ZFAT: variants seen among roughly 807,000 people sequenced by gnomAD.
ZFAT encodes the protein zinc finger protein ZFAT.
ZFAT carries 64 observed loss-of-function variants against 117.7 expected under a neutral mutation model. The observed-to-expected ratio is 0.54, with a 90% CI of 0.44 to 0.67. The LOEUF is 0.67. ZFAT is among the 30% of genes least tolerant of loss of function. The pLI, the probability that ZFAT is intolerant of heterozygous loss-of-function variation, is 0.00. For missense variants in ZFAT, 1,433 were observed against 1,584.5 expected (o/e 0.90, Z 1.62); for synonymous variants, 679 against 615.0 (o/e 1.10, Z -1.54).
At position 134,504,341 on chromosome 8, in the gene ZFAT, G is replaced by A. The variant is rs543349435; in HGVS notation, c.3492+5278C>T. On this transcript the variant is annotated intron_variant, in intron 15 of 15. Transcript: ENST00000377838. Reference sequence around the variant, plus strand: ...AATTAACACAAAACTCAGAAAGACCGAAGATTATCATAAAGGCAAACTGTT... The same window carrying A: ...AATTAACACAAAACTCAGAAAGACCAAAGATTATCATAAAGGCAAACTGTT... 9.2e-5 allele frequency among the ~76,000 whole-genome samples: 14 copies of A among 152,238 alleles called. No homozygotes were observed. The South Asian group carries it at 1.4e-3, about 16-fold the overall frequency.
chr8:134,627,120 A>G (rs2131050162), intron 3 of ZFAT, among the ~76,000 whole-genome samples: 1 of 152,328 alleles, frequency 6.6e-6, no homozygotes, highest in Admixed American at 6.5e-5. Context: ...ATGTCCAGCA[A>G]GAGCAGGGGA....
chr8:134,504,724 T>C (rs926041145), intron 15 of ZFAT, among the ~76,000 whole-genome samples: 1 of 152,184 alleles, frequency 6.6e-6, no homozygotes, highest in Non-Finnish European at 1.5e-5. Flanking sequence ...GGACTCCAAG[T>C]GGGCAGAAGG....
chr8:134,498,078 G>T (rs71512346), intron 15 of ZFAT, among the ~76,000 whole-genome samples: 3,913 of 15,370 alleles, frequency 0.25, 697 homozygotes, highest in East Asian at 0.48. Context: ...CCTGATTTGG[G>T]AGGGTTGTGG....
At chr8:134,636,118 G>C (rs1274580623) in intron 3 of ZFAT, among the ~76,000 whole-genome samples, 1 of 152,224 alleles carries the variant, frequency 6.6e-6, no homozygotes, top group Admixed American at 6.5e-5. Flanking sequence ...AATATTAGTT[G>C]ATGAGTTACT....
intron 1 of ZFAT, among the ~76,000 whole-genome samples, chr8:134,704,758 G>T (rs1586974320): frequency 1.3e-5 from 2 of 152,040 alleles, no homozygotes; most frequent in Admixed American, 1.3e-4. Flanking sequence ...GGAAGAAAAG[G>T]TTCTTCTAAC....
the ZFAT span, chr8:134,784,549 CT>C: frequency 6.6e-6 from 1 of 151,990 alleles, no homozygotes; most frequent in African/African-American, 2.4e-5. Context: ...TGTATAGATA[CT>C]AGATTTAAGC....
the ZFAT span, among the ~76,000 whole-genome samples, chr8:134,808,805 C>T: frequency 6.6e-6 from 1 of 152,128 alleles, no homozygotes; most frequent in Non-Finnish European, 1.5e-5. Context: ...CCTGCTAAAC[C>T]CAGCTATAAT....
chr8:134,801,305 T>G, the ZFAT span, among the ~76,000 whole-genome samples: 1 of 152,182 alleles, frequency 6.6e-6, no homozygotes, highest in African/African-American at 2.4e-5. Flanking sequence ...TGTCTCCCCC[T>G]CTTTTTGCAT....
rs962197635 is a variant in ZFAT, at chr8:134,539,740, G to T, written c.2977-6768C>A. Among the ~76,000 whole-genome samples, 12 of 152,218 alleles carry T rather than the reference G, an allele frequency of 7.9e-5. 1 individual carries two copies. Among genetic ancestry groups the T allele is most frequent in the Admixed American group, 3.3e-4 (5 of 15,284 alleles). On this transcript the variant is annotated intron_variant, in intron 11 of 15. Coordinates refer to ENST00000377838, the MANE Select transcript of ZFAT (RefSeq NM_020863.4). ...CAGTTATACACTGCTGATAGAAGTG[G>T]TGTTTTTAGAATGCGGACAACTTTA...
At position 134,515,861 on chromosome 8, in the gene ZFAT, T is replaced by G. The variant is rs536472663; in HGVS notation, c.3235-3260A>C. Among the ~76,000 whole-genome samples the G allele has an allele frequency of 2.9e-4, 44 of 152,308 alleles. 1 individual carries two copies. The South Asian group carries it at 4.1e-3, about 14-fold the overall frequency. On this transcript the variant is annotated intron_variant, in intron 13 of 15. Transcript: ENST00000377838. ...AAATCATTATTTGCCCCATAAATAT[T>G]TCATACTGTCTCTCTAAAAAATAAA...
chr8:134,637,641 GCTC>G lies in ZFAT; in HGVS notation c.265_267del (p.Glu89del). ...GTCGGACTCACGATGTTTTCTGCCA[GCTC>G]CTCTTCTGTGCTGGACTTCTTCGTG... is the stretch of plus-strand genomic sequence containing the variant. On this transcript the variant is annotated inframe_deletion, in exon 3 of 16. Coordinates refer to ENST00000377838, the MANE Select transcript of ZFAT (RefSeq NM_020863.4). The G allele has an allele frequency of 6.2e-7, 1 of 1,614,176 alleles. No individual in the cohort carries two copies. The highest frequency in any genetic ancestry group is 8.5e-7 in the Non-Finnish European group (1 of 1,180,042).
At chr8:134,641,753 C>T (rs1009151211) in intron 2 of ZFAT, among the ~76,000 whole-genome samples, 4 of 152,170 alleles carry the variant, frequency 2.6e-5, no homozygotes, top group Non-Finnish European at 5.9e-5. Flanking sequence ...GAAAAGAAGC[C>T]ATTTCCTGTG....
intron 1 of ZFAT, among the ~76,000 whole-genome samples, chr8:134,678,568 A>C (rs1272058103): frequency 3.3e-5 from 5 of 152,246 alleles, no homozygotes; most frequent in Admixed American, 3.3e-4. Context: ...CTCTTCACAG[A>C]ATTGTAAAAA....
intron 2 of ZFAT, among the ~76,000 whole-genome samples, chr8:134,639,278 G>A (rs1236662556): frequency 1.3e-5 from 2 of 152,192 alleles, no homozygotes; most frequent in Admixed American, 1.3e-4. Context: ...GGGAAACCTG[G>A]CACCAGAATG....
the ZFAT span, among the ~76,000 whole-genome samples, chr8:134,750,471 TC>T: frequency 6.6e-6 from 1 of 152,208 alleles, no homozygotes; most frequent in Non-Finnish European, 1.5e-5. Context: ...GGATAGGCCC[TC>T]CAGTACAACA....
chr8:134,488,997 G>T (rs1296792814), intron 15 of ZFAT, among the ~76,000 whole-genome samples: 5 of 149,186 alleles, frequency 3.4e-5, no homozygotes, highest in Non-Finnish European at 7.4e-5. Flanking sequence ...CAGAACAAGT[G>T]GGGGGTGGGG....
chr8:134,779,603 T>A, the ZFAT span, among the ~76,000 whole-genome samples: 1 of 152,186 alleles, frequency 6.6e-6, no homozygotes, highest in Non-Finnish European at 1.5e-5. Context: ...TTTCTTTCAT[T>A]TGCAAAGTCT....
chr8:134,742,946 C>T, the ZFAT span, among the ~76,000 whole-genome samples: 30 of 152,246 alleles, frequency 2.0e-4, no homozygotes, highest in Admixed American at 6.5e-4. Flanking sequence ...ATTCAGTGCA[C>T]GCCCCAAGTG....
the ZFAT span, among the ~76,000 whole-genome samples, chr8:134,808,927 A>C: frequency 6.6e-6 from 1 of 152,252 alleles, no homozygotes; most frequent in South Asian, 2.1e-4. Context: ...TACTATAAAC[A>C]ATCAAAATAT....
Sources: gnomAD v4.1 joint callset for allele counts (sites outside exome capture counted in the v4.1 genomes callset) on GRCh38, gnomAD v4.1.1 for gene constraint, MANE v1.5 for transcripts, NCBI Gene and HGNC (gene_info 2026-07-23, HGNC 2026-07-21) for gene names.